SIRPB1: variants seen among roughly 807,000 people sequenced by gnomAD.
The protein encoded by SIRPB1 is signal regulatory protein beta 1.
A neutral mutation model predicts 34.1 loss-of-function variants in SIRPB1; 28 were observed. The observed-to-expected ratio is 0.82, with a 90% CI of 0.61 to 1.12. SIRPB1 has a LOEUF of 1.12. Ranked by LOEUF, SIRPB1 falls within the 50% of genes most tolerant of loss-of-function variation. The pLI, the probability that SIRPB1 is intolerant of heterozygous loss-of-function variation, is 0.00. For synonymous variants in SIRPB1, 211 were observed against 203.8 expected, an observed-to-expected ratio of 1.04 and a Z score of -0.30; for missense variants, 499 against 507.0, an observed-to-expected ratio of 0.98 and a Z score of 0.15.
At chr20:1,614,445 C>T (rs1219993219) in intron 1 of SIRPB1, among the ~76,000 whole-genome samples, 3 of 152,170 alleles carry the variant, frequency 2.0e-5, no homozygotes, top group Non-Finnish European at 4.4e-5. Context: ...TCTTCTTGTC[C>T]TCCTCTACTG....
chr20:1,619,852 C>T lies in SIRPB1; in HGVS notation c.76+17G>A. 6.3e-7 allele frequency: 1 copy of T among 1,585,034 alleles called. No homozygotes were observed. The highest frequency in any genetic ancestry group is 8.7e-7 in the Non-Finnish European group (1 of 1,155,444). On this transcript the variant is annotated intron_variant, in intron 1 of 5. Transcript: ENST00000381605. ...CAGTGGGCAGGAAAAAAGATTTTAACCGAAGGCAGTGCTCACCTGTGAGTC... is the reference window on the plus strand; with the variant it reads ...CAGTGGGCAGGAAAAAAGATTTTAATCGAAGGCAGTGCTCACCTGTGAGTC...
intron 4 of SIRPB1, among the ~76,000 whole-genome samples, chr20:1,567,058 G>T (rs190753789): frequency 2.4e-4 from 37 of 152,126 alleles, no homozygotes; most frequent in Non-Finnish European, 4.6e-4. Flanking sequence ...TTAAATAAGG[G>T]GTTTTGGATG....
At chr20:1,570,715 A>T in intron 4 of SIRPB1, 90 bp downstream of exon 4, 1 of 1,074,222 alleles carries the variant, frequency 9.3e-7, no homozygotes, top group Non-Finnish European at 1.4e-6. Context: ...CTTTATATTT[A>T]TAGACTTCTA....
At chr20:1,566,299 A>AGG (rs774916965) in intron 4 of SIRPB1, 32 bp from the exon 5 acceptor site, 7 of 1,432,234 alleles carry the variant, frequency 4.9e-6, no homozygotes, top group African/African-American at 1.4e-5. Flanking sequence ...GAGCCATGAG[A>AGG]GGGGCCACCT....
chr20:1,577,885 G>A (rs2091339588), intron 2 of SIRPB1, among the ~76,000 whole-genome samples: 1 of 147,936 alleles, frequency 6.8e-6, no homozygotes, highest in South Asian at 2.1e-4. Flanking sequence ...TTCATTCACT[G>A]CTGTTTGCGC....
chr20:1,618,153 GA>G (rs1455543426), intron 1 of SIRPB1, among the ~76,000 whole-genome samples: 289 of 152,228 alleles, frequency 1.9e-3, no homozygotes, highest in African/African-American at 6.8e-3. Flanking sequence ...CTGGCCCATA[GA>G]AAGTAAAATA....
intron 4 of SIRPB1, among the ~76,000 whole-genome samples, chr20:1,568,780 A>C (rs188421681): frequency 6.6e-6 from 1 of 152,308 alleles, no homozygotes; most frequent in Admixed American, 6.5e-5. Flanking sequence ...AAGTAGGGCA[A>C]AGTAAACCCA....
At chr20:1,615,308 C>T (rs1295079708) in intron 1 of SIRPB1, among the ~76,000 whole-genome samples, 4 of 152,224 alleles carry the variant, frequency 2.6e-5, no homozygotes, top group Non-Finnish European at 5.9e-5. Context: ...ATGCCCCTCT[C>T]AGCTTTTGCT....
Position 1,565,083 on chromosome 20 carries a change from T to G in SIRPB1, c.*417A>C, listed in dbSNP as rs890189580. On this transcript the variant is annotated 3_prime_UTR_variant, in exon 6 of 6. Transcript: ENST00000381605. The stretch of plus-strand genomic sequence containing the variant: ...TTCTTAAAATTGGTATAGGGGTTCA[T>G]GTGTATTCAGGAGGCAGTAGAGAAC... 2.5e-6 allele frequency: 1 copy of G among 398,510 alleles called. No individual in the cohort carries two copies. The allele number at this position is 398,510 out of a possible 1,614,324, so 24.7% of individuals were successfully genotyped here.
intron 1 of SIRPB1, among the ~76,000 whole-genome samples, chr20:1,582,333 C>T (rs189583322): frequency 0.032 from 1,559 of 48,862 alleles, 735 homozygotes; most frequent in African/African-American, 0.21. Flanking sequence ...AAGATAATAC[C>T]CTCCTGTTTC....
At chr20:1,579,119 T>G (rs532888398) in intron 1 of SIRPB1, among the ~76,000 whole-genome samples, 1 of 147,718 alleles carries the variant, frequency 6.8e-6, no homozygotes, top group East Asian at 1.9e-4. Context: ...ACCTGGCCAA[T>G]TTTTGTATTT....
At chr20:1,574,540 T>A (rs1758639315) in intron 2 of SIRPB1, among the ~76,000 whole-genome samples, 1 of 122,136 alleles carries the variant, frequency 8.2e-6, no homozygotes, top group South Asian at 2.7e-4. Flanking sequence ...GCAAACTTTT[T>A]TTTTGATAGT....
chr20:1,605,000 C>T (rs752725151), intron 1 of SIRPB1: 1 of 610,036 alleles, frequency 1.6e-6, no homozygotes, highest in Non-Finnish European at 2.2e-6. Context: ...GTGAAGCTCA[C>T]TGTGTGCTGA....
rs1159319736 is a variant in SIRPB1, at chr20:1,566,219, C to G, written c.1133G>C (p.Gly378Ala). 1 of 1,612,148 alleles carries G rather than the reference C, an allele frequency of 6.2e-7. No homozygotes were observed. Among genetic ancestry groups the G allele is most frequent in the Non-Finnish European group, 8.5e-7 (1 of 1,179,272 alleles). ...TAPLLVALLL[G>A]PKLLLVVGVS... is the part of the protein sequence containing the mutation. ...ACCAACCACCAGTAGCAGCTTGGGG[C>G]CCAGGAGGAGAGCTACGAGGAGTGG... Residue 378 changes from glycine to alanine, a missense_variant, in exon 5 of 6, where the codon GGC becomes GCC. Transcript: ENST00000381605.
At chr20:1,617,183 T>C (rs2091642099) in intron 1 of SIRPB1, among the ~76,000 whole-genome samples, 1 of 152,192 alleles carries the variant, frequency 6.6e-6, no homozygotes, top group Non-Finnish European at 1.5e-5. Context: ...GCAATCTCAC[T>C]ATTGGGCATA....
At position 1,578,327 on chromosome 20, in the gene SIRPB1, G is replaced by C; in HGVS notation, c.433+11C>G. Reference sequence around the variant, plus strand: ...ACACCAGGGGACAAAGGAGGCCCACGCTGTACTCACCGCGCACAGACAGCT... The same window carrying C: ...ACACCAGGGGACAAAGGAGGCCCACCCTGTACTCACCGCGCACAGACAGCT... On this transcript the variant is annotated intron_variant, in intron 2 of 5. Coordinates refer to ENST00000381605, the MANE Select transcript of SIRPB1 (RefSeq NM_006065.5). The C allele has an allele frequency of 1.3e-6, 2 of 1,578,754 alleles. No individual in the cohort carries two copies. Among genetic ancestry groups the C allele is most frequent in the Non-Finnish European group, 8.7e-7 (1 of 1,152,700 alleles).
rs1244465375 is a variant in SIRPB1, at chr20:1,571,876, G to A, written c.595C>T (p.Pro199Ser). 3 of 1,614,092 alleles carry A rather than the reference G, an allele frequency of 1.9e-6. No individual in the cohort carries two copies. Among genetic ancestry groups the A allele is most frequent in the Non-Finnish European group, 2.5e-6 (3 of 1,180,046 alleles). The change falls in exon 3 of 6, where the codon CCC (proline) becomes TCC (serine). Residue 199 changes from proline to serine, a missense_variant. Physicochemically the swap from Pro to Ser is moderately conservative, Grantham distance 74. Transcript: ENST00000381605. ...ELSDFQTNVD[P>S]AGDSVSYSIH... ...CTGTAGGACACACTGTCTCCTGCGG[G>A]GTCCACGTTGGTCTGGAAGTCTGAG...
chr20:1,576,225 C>T (rs564292365), intron 2 of SIRPB1, among the ~76,000 whole-genome samples: 3 of 148,096 alleles, frequency 2.0e-5, no homozygotes, highest in Non-Finnish European at 3.0e-5. Flanking sequence ...ATATTATCTG[C>T]ACAATCAGGA....
At chr20:1,573,885 G>C (rs2122204984) in intron 2 of SIRPB1, among the ~76,000 whole-genome samples, 1 of 146,878 alleles carries the variant, frequency 6.8e-6, no homozygotes, top group African/African-American at 2.5e-5. Flanking sequence ...CCCTGTGACT[G>C]TAATCATGAG....
Sources: allele counts gnomAD v4.1 joint callset (sites outside exome capture counted in the v4.1 genomes callset), GRCh38; gene constraint gnomAD v4.1.1; transcripts MANE v1.5; gene names NCBI Gene and HGNC (gene_info 2026-07-23, HGNC 2026-07-21).